Variants in RGS7 observed in about 807,000 individuals in gnomAD.
RGS7 encodes the protein regulator of G-protein signaling 7.
RGS7 carries 27 observed loss-of-function variants against 81.1 expected under a neutral mutation model. The ratio of observed to expected loss-of-function variants is 0.33; its 90% CI spans 0.25 to 0.46. The LOEUF (loss-of-function observed/expected upper bound fraction) is 0.46, where lower values mean the gene tolerates loss of function less well. Among genes scored for constraint, RGS7 ranks in the 20% least tolerant of loss-of-function variants. The pLI, the probability that RGS7 is intolerant of heterozygous loss-of-function variation, is 1.00. For synonymous variants in RGS7, 208 were observed against 207.7 expected (o/e 1.00, Z -0.01); for missense variants, 396 against 607.4 (o/e 0.65, Z 3.66).
At chr1:241,102,275 T>C (rs1157318524) in intron 2 of RGS7, among the ~76,000 whole-genome samples, 1 of 151,932 alleles carries the variant, frequency 6.6e-6, no homozygotes, top group Non-Finnish European at 1.5e-5. Flanking sequence ...CTAAAATCAA[T>C]TAAAAAGAAA....
intron 2 of RGS7, among the ~76,000 whole-genome samples, chr1:241,249,244 G>T (rs144155746): frequency 6.6e-6 from 1 of 151,610 alleles, no homozygotes; most frequent in South Asian, 2.1e-4. Context: ...TTCAGGTTTC[G>T]ATTTTCACTA....
chr1:241,207,124 A>G (rs1229271116), intron 2 of RGS7, among the ~76,000 whole-genome samples: 2 of 150,924 alleles, frequency 1.3e-5, no homozygotes, highest in African/African-American at 4.9e-5. Flanking sequence ...GCCCACCACC[A>G]CGCCCGGCTA....
At chr1:241,325,859 G>A (rs2081463311) in intron 2 of RGS7, among the ~76,000 whole-genome samples, 1 of 152,158 alleles carries the variant, frequency 6.6e-6, no homozygotes, top group African/African-American at 2.4e-5. Context: ...TCTCTTACAG[G>A]AAAATGTAAT....
At chr1:240,860,826 C>T (rs80345828) in intron 9 of RGS7, among the ~76,000 whole-genome samples, 2,186 of 152,114 alleles carry the variant, frequency 0.014, 16 homozygotes, top group Non-Finnish European at 0.021. Flanking sequence ...CCAAAACATC[C>T]CTCAAATTTT....
chr1:241,108,794 A>C (rs2065307964), intron 2 of RGS7, among the ~76,000 whole-genome samples: 1 of 152,154 alleles, frequency 6.6e-6, no homozygotes, highest in Non-Finnish European at 1.5e-5. Flanking sequence ...CGGCGTCAAG[A>C]TGGGAATGAG....
chr1:241,283,279 A>C (rs2078622803), intron 2 of RGS7, among the ~76,000 whole-genome samples: 1 of 152,150 alleles, frequency 6.6e-6, no homozygotes, highest in Non-Finnish European at 1.5e-5. Flanking sequence ...GTCTTCTATC[A>C]CTTCCTTTCT....
At chr1:240,807,918 C>T (rs1302074804) in intron 14 of RGS7, among the ~76,000 whole-genome samples, 1 of 151,690 alleles carries the variant, frequency 6.6e-6, no homozygotes, top group African/African-American at 2.4e-5. Flanking sequence ...GCCCATAATC[C>T]CAGCTACTCG....
intron 2 of RGS7, among the ~76,000 whole-genome samples, chr1:241,116,639 T>C (rs1230613738): frequency 6.6e-6 from 1 of 152,222 alleles, no homozygotes; most frequent in East Asian, 1.9e-4. Context: ...TCTATTTTTA[T>C]ATACATTCTG....
downstream of RGS7, among the ~76,000 whole-genome samples, chr1:240,774,855 CA>C (rs1682757951): frequency 6.6e-6 from 1 of 151,136 alleles, no homozygotes; most frequent in Non-Finnish European, 1.5e-5. Flanking sequence ...AATAATGCAA[CA>C]ATTAAAGTTG....
chr1:240,846,711 A>C (rs1460618377), intron 9 of RGS7, among the ~76,000 whole-genome samples: 1 of 152,192 alleles, frequency 6.6e-6, no homozygotes, highest in Non-Finnish European at 1.5e-5. Context: ...TGTAACCAAT[A>C]AACTATGACA....
At chr1:241,048,854 T>C (rs2061092104) in intron 3 of RGS7, among the ~76,000 whole-genome samples, 1 of 152,198 alleles carries the variant, frequency 6.6e-6, no homozygotes, top group South Asian at 2.1e-4. Flanking sequence ...GGTCTGAGAC[T>C]GATGTGTTAA....
chr1:241,142,219 G>A (rs1423461959), intron 2 of RGS7, among the ~76,000 whole-genome samples: 1 of 152,186 alleles, frequency 6.6e-6, no homozygotes, highest in African/African-American at 2.4e-5. Flanking sequence ...GGTTTTCCAG[G>A]TGCACAGTGC....
intron 2 of RGS7, among the ~76,000 whole-genome samples, chr1:241,267,758 C>T (rs2077668773): frequency 6.6e-6 from 1 of 152,148 alleles, no homozygotes; most frequent in Non-Finnish European, 1.5e-5. Flanking sequence ...TTTTTAATTT[C>T]ACATAGCACT....
chr1:241,279,997 T>G (rs1197161908), intron 2 of RGS7, among the ~76,000 whole-genome samples: 1 of 152,154 alleles, frequency 6.6e-6, no homozygotes, highest in African/African-American at 2.4e-5. Context: ...GTTTGGGGTT[T>G]TTTGTGGGTT....
intron 18 of RGS7, among the ~76,000 whole-genome samples, chr1:240,776,646 TTAA>T (rs1453797324): frequency 6.6e-6 from 1 of 152,202 alleles, no homozygotes; most frequent in Non-Finnish European, 1.5e-5. Context: ...ATGGCTGAAA[TTAA>T]TGTCACATTT....
intron 2 of RGS7, among the ~76,000 whole-genome samples, chr1:241,247,876 G>C (rs1353975538): frequency 6.6e-6 from 1 of 152,098 alleles, no homozygotes; most frequent in Non-Finnish European, 1.5e-5. Context: ...AATGCTTCAC[G>C]TACACATAAA....
At chr1:240,970,182 A>G (rs1471266764) in intron 4 of RGS7, among the ~76,000 whole-genome samples, 1 of 152,196 alleles carries the variant, frequency 6.6e-6, no homozygotes, top group Non-Finnish European at 1.5e-5. Flanking sequence ...TGGAACTGCA[A>G]TATAGTGATA....
chr1:240,985,991 A>G (rs1028765299), intron 3 of RGS7, among the ~76,000 whole-genome samples: 7 of 149,936 alleles, frequency 4.7e-5, no homozygotes, highest in Admixed American at 3.3e-4. Context: ...ATAAATAAAT[A>G]AATGGCTGGG....
intron 2 of RGS7, among the ~76,000 whole-genome samples, chr1:241,187,559 G>A (rs1023652064): frequency 1.3e-5 from 2 of 152,182 alleles, no homozygotes; most frequent in African/African-American, 4.8e-5. Flanking sequence ...TCTCGTTTCA[G>A]TCTCAGCTCT....
Sources: allele counts gnomAD v4.1 joint callset (sites outside exome capture counted in the v4.1 genomes callset), GRCh38; gene constraint gnomAD v4.1.1; transcripts MANE v1.5; gene names NCBI Gene and HGNC (gene_info 2026-07-23, HGNC 2026-07-21).